The following SGCD variants were observed in gnomAD, a reference collection of about 807,000 sequenced individuals.
The protein encoded by SGCD is delta-sarcoglycan.
A neutral mutation model predicts 36.6 loss-of-function variants in SGCD; 18 were observed. That is an observed-to-expected ratio of 0.49 (90% CI 0.34 to 0.73). The LOEUF (loss-of-function observed/expected upper bound fraction) is 0.73. Among genes scored for constraint, SGCD ranks in the 30% least tolerant of loss-of-function variants. The pLI is 0.01. For missense variants in SGCD, 387 were observed against 346.7 expected, an observed-to-expected ratio of 1.12 and a Z score of -0.92; for synonymous variants, 133 against 130.6, an observed-to-expected ratio of 1.02 and a Z score of -0.12.
chr5:156,051,880 T>C (rs1412085433), intron 1 of SGCD, among the ~76,000 whole-genome samples: 1 of 145,372 alleles, frequency 6.9e-6, no homozygotes, highest in East Asian at 1.9e-4. Context: ...GGAAGGGTTG[T>C]TGTTCTGAGC....
chr5:156,120,427 T>C (rs1762010908), intron 2 of SGCD, among the ~76,000 whole-genome samples: 1 of 152,180 alleles, frequency 6.6e-6, no homozygotes, highest in African/African-American at 2.4e-5. Context: ...TCTACTCATA[T>C]CTGGGCAACG....
At chr5:156,133,515 AC>A (rs1201405780) in intron 3 of SGCD, among the ~76,000 whole-genome samples, 4 of 152,050 alleles carry the variant, frequency 2.6e-5, no homozygotes, top group Non-Finnish European at 5.9e-5. Context: ...TCTTGAAACC[AC>A]CCTGTTGGAT....
At chr5:156,338,206 G>A (rs1466354075) in intron 2 of SGCD, among the ~76,000 whole-genome samples, 1 of 152,124 alleles carries the variant, frequency 6.6e-6, no homozygotes, top group African/African-American at 2.4e-5. Context: ...AAAACATAAT[G>A]CATTTTTGCA....
intron 1 of SGCD, among the ~76,000 whole-genome samples, chr5:156,115,154 T>G (rs1761879934): frequency 1.3e-5 from 2 of 152,094 alleles, no homozygotes; most frequent in Admixed American, 1.3e-4. Flanking sequence ...TTATATTAAC[T>G]TTTTAATTTC....
intron 2 of SGCD, among the ~76,000 whole-genome samples, chr5:156,340,357 G>A (rs1232277085): frequency 3.9e-5 from 6 of 152,214 alleles, no homozygotes; most frequent in South Asian, 2.1e-4. Context: ...TGTTTATATC[G>A]CATCGTGTCC....
At chr5:156,150,854 A>G (rs923642183) in intron 3 of SGCD, among the ~76,000 whole-genome samples, 3 of 151,646 alleles carry the variant, frequency 2.0e-5, no homozygotes, top group African/African-American at 7.3e-5. Context: ...CTTTATATTT[A>G]TTCTGTGACA....
At chr5:156,240,673 G>A (rs1468355459) in intron 3 of SGCD, among the ~76,000 whole-genome samples, 1 of 151,988 alleles carries the variant, frequency 6.6e-6, no homozygotes, top group Non-Finnish European at 1.5e-5. Flanking sequence ...TTGGCAGAGT[G>A]CTTCTTCGTC....
At chr5:155,915,190 A>T (rs1277468364) in intron 1 of SGCD, among the ~76,000 whole-genome samples, 2 of 152,142 alleles carry the variant, frequency 1.3e-5, no homozygotes, top group Non-Finnish European at 2.9e-5. Flanking sequence ...CCCTACAAGG[A>T]CACTTTTGAG....
intron 6 of SGCD, among the ~76,000 whole-genome samples, chr5:156,617,499 A>G (rs1762062232): frequency 1.3e-5 from 2 of 152,184 alleles, no homozygotes; most frequent in Admixed American, 6.5e-5. Flanking sequence ...TATAGGAGCA[A>G]TGGCAGATTT....
chr5:156,118,709 A>G (rs1323374120), intron 2 of SGCD, among the ~76,000 whole-genome samples: 2 of 152,182 alleles, frequency 1.3e-5, no homozygotes, highest in South Asian at 2.1e-4. Context: ...TGATTTCACC[A>G]TTCAATTTAA....
At position 156,027,654 on chromosome 5, in the gene SGCD, GA is replaced by G. The variant is rs1221679874; in HGVS notation, c.-281-90217del. On this transcript the variant is annotated intron_variant, in intron 1 of 9. Transcript: ENST00000517913. The stretch of plus-strand genomic sequence containing the variant: ...CTCAATATGCTGACTATATATTAAA[GA>G]AAAAAAGAATGAATGATCTAATGAG... Among the ~76,000 whole-genome samples the G allele has an allele frequency of 1.2e-4, 18 of 151,852 alleles. 1 individual carries two copies. Among genetic ancestry groups the G allele is most frequent in the Non-Finnish European group, 2.7e-4 (18 of 67,904 alleles).
chr5:156,312,831 T>G (rs1213709934), intron 3 of SGCD, among the ~76,000 whole-genome samples: 1 of 152,124 alleles, frequency 6.6e-6, no homozygotes, highest in Admixed American at 6.6e-5. Context: ...ATTAGGATCA[T>G]TATCTTACTC....
At chr5:155,863,878 C>T in the SGCD span, among the ~76,000 whole-genome samples, 3,015 of 152,120 alleles carry the variant, frequency 0.02, 106 homozygotes, top group African/African-American at 0.068. Flanking sequence ...CTGTGTGCCA[C>T]GCACATAATA....
At chr5:155,780,755 T>G in the SGCD span, among the ~76,000 whole-genome samples, 1 of 152,228 alleles carries the variant, frequency 6.6e-6, no homozygotes, top group Non-Finnish European at 1.5e-5. Flanking sequence ...GCAGTGATTC[T>G]CAAACTTTTT....
chr5:155,878,777 A>G (rs1021436529), intron 1 of SGCD, among the ~76,000 whole-genome samples: 7 of 152,132 alleles, frequency 4.6e-5, no homozygotes, highest in African/African-American at 1.4e-4. Flanking sequence ...CACTATTTTC[A>G]TATCCAATAG....
At chr5:156,306,411 AT>A (rs1263453820) in intron 3 of SGCD, among the ~76,000 whole-genome samples, 2 of 152,112 alleles carry the variant, frequency 1.3e-5, no homozygotes, top group Non-Finnish European at 1.5e-5. Context: ...TTCTGCTGTG[AT>A]TGTGGGGCTT....
intron 2 of SGCD, among the ~76,000 whole-genome samples, chr5:156,120,960 A>G (rs6885052): frequency 5.1e-4 from 77 of 152,220 alleles, no homozygotes; most frequent in African/African-American, 1.8e-3. Context: ...TCATCCTCAA[A>G]TTGCCGGGTA....
chr5:156,626,240 C>G (rs1217460405), intron 6 of SGCD, among the ~76,000 whole-genome samples: 1 of 152,220 alleles, frequency 6.6e-6, no homozygotes, highest in Non-Finnish European at 1.5e-5. Flanking sequence ...CTTTGTGTCC[C>G]TGGTTTTGTG....
chr5:156,703,463 A>G (rs552869209), intron 7 of SGCD, among the ~76,000 whole-genome samples: 1 of 151,778 alleles, frequency 6.6e-6, no homozygotes, highest in Non-Finnish European at 1.5e-5. Context: ...AAGTCATTCA[A>G]CACTGGCATT....
Sources: gnomAD v4.1 joint callset for allele counts (sites outside exome capture counted in the v4.1 genomes callset) on GRCh38, gnomAD v4.1.1 for gene constraint, MANE v1.5 for transcripts, NCBI Gene and HGNC (gene_info 2026-07-23, HGNC 2026-07-21) for gene names.